STK32A: variants seen among roughly 807,000 people sequenced by gnomAD.
The protein encoded by STK32A is serine/threonine kinase 32A.
STK32A carries 41 observed loss-of-function variants against 53.2 expected under a neutral mutation model. The ratio of observed to expected loss-of-function variants is 0.77; its 90% CI spans 0.60 to 1.00. The LOEUF (loss-of-function observed/expected upper bound fraction) is 1.00, where lower values mean the gene tolerates loss of function less well. Among genes scored for constraint, STK32A ranks in the 50% least tolerant of loss-of-function variants. The pLI, the probability that STK32A is intolerant of heterozygous loss-of-function variation, is 0.00. For missense variants in STK32A, 458 were observed against 485.8 expected (o/e 0.94, Z 0.54); for synonymous variants, 166 against 162.8 (o/e 1.02, Z -0.15).
chr5:147,314,455 G>T (rs1258143528), intron 4 of STK32A, among the ~76,000 whole-genome samples: 2 of 141,928 alleles, frequency 1.4e-5, no homozygotes, highest in East Asian at 4.0e-4. Flanking sequence ...TGGAGATTGT[G>T]CCATTGCACT....
intron 4 of STK32A, among the ~76,000 whole-genome samples, chr5:147,280,401 T>G (rs1233725667): frequency 2.5e-5 from 2 of 79,870 alleles, no homozygotes; most frequent in Non-Finnish European, 4.8e-5. Flanking sequence ...ACCTGGGAGC[T>G]GTGTTGGCGG....
intron 11 of STK32A, 77 bp from the exon 12 acceptor site, chr5:147,383,364 C>G (rs770868953): frequency 1.6e-5 from 19 of 1,199,976 alleles, no homozygotes; most frequent in Non-Finnish European, 2.3e-5. Context: ...TAGACTGTCA[C>G]CAGGTTATTG....
chr5:147,277,110 T>G (rs1217385635), intron 2 of STK32A, among the ~76,000 whole-genome samples: 1 of 152,214 alleles, frequency 6.6e-6, no homozygotes, highest in African/African-American at 2.4e-5. Context: ...GCTTATCTAA[T>G]TATTCTAGAT....
intron 2 of STK32A, among the ~76,000 whole-genome samples, chr5:147,264,428 G>T (rs757226877): frequency 6.6e-6 from 1 of 152,194 alleles, no homozygotes; most frequent in Non-Finnish European, 1.5e-5. Flanking sequence ...AACTGGAGAA[G>T]GGTTTGGGAT....
At chr5:147,254,205 A>C (rs1278831297) in intron 2 of STK32A, among the ~76,000 whole-genome samples, 1 of 152,190 alleles carries the variant, frequency 6.6e-6, no homozygotes, top group African/African-American at 2.4e-5. Context: ...TAAATTTCAC[A>C]GTCTGACATA....
chr5:147,238,854 G>A (rs561897495), intron 1 of STK32A, among the ~76,000 whole-genome samples: 32 of 151,572 alleles, frequency 2.1e-4, no homozygotes, highest in African/African-American at 6.8e-4. Context: ...TAATATATAC[G>A]TTAATATATA....
intron 2 of STK32A, among the ~76,000 whole-genome samples, chr5:147,268,417 C>G (rs1222139872): frequency 6.6e-6 from 1 of 152,014 alleles, no homozygotes; most frequent in Non-Finnish European, 1.5e-5. Context: ...TATGGCAGCA[C>G]TGCTTATATC....
chr5:147,368,347 T>C (rs1190935445), intron 8 of STK32A, among the ~76,000 whole-genome samples: 1 of 152,252 alleles, frequency 6.6e-6, no homozygotes, highest in African/African-American at 2.4e-5. Context: ...GTTTATTCTC[T>C]ATATGCTCAC....
chr5:147,306,232 A>G (rs994596218), intron 4 of STK32A, among the ~76,000 whole-genome samples: 2 of 151,846 alleles, frequency 1.3e-5, no homozygotes, highest in Non-Finnish European at 2.9e-5. Context: ...TTGCTTATTG[A>G]CCATTTATAA....
At chr5:147,341,852 T>C (rs974707913) in intron 5 of STK32A, among the ~76,000 whole-genome samples, 3 of 152,092 alleles carry the variant, frequency 2.0e-5, no homozygotes, top group Admixed American at 1.3e-4. Context: ...TGGTTTAAAA[T>C]GACTAAAAAA....
chr5:147,384,620 T>C lies in STK32A; in HGVS notation c.*637T>C. 2.2e-6 allele frequency: 1 copy of C among 452,996 alleles called. No homozygotes were observed. Among genetic ancestry groups the C allele is most frequent in the Non-Finnish European group, 3.9e-6 (1 of 258,632 alleles). 28.1% of individuals were successfully genotyped at this position (452,996 alleles called of 1,614,324 possible). On this transcript the variant is annotated 3_prime_UTR_variant, in exon 13 of 13. Coordinates refer to ENST00000397936, the MANE Select transcript of STK32A (RefSeq NM_001112724.2). ...CTGTGCACACCACTTCCCAGCTCCC[T>C]CTTCAACAATGTGAAAGTGGTAACT... is the stretch of plus-strand genomic sequence containing the variant.
intron 2 of STK32A, among the ~76,000 whole-genome samples, chr5:147,271,842 C>T (rs1044354459): frequency 2.0e-5 from 3 of 152,156 alleles, no homozygotes; most frequent in African/African-American, 7.2e-5. Flanking sequence ...CCCGAAACTT[C>T]ATTAGCAATT....
At position 147,361,623 on chromosome 5, in the gene STK32A, G is replaced by C; in HGVS notation, c.660+9G>C. 1 of 1,575,896 alleles carries C rather than the reference G, an allele frequency of 6.3e-7. No individual in the cohort carries two copies. ...AACTGCTGAGAGGCCGGGTACTGTAGTAGCATTTCCTCTTTGGTTATTTTT... is the reference window on the plus strand; with the variant it reads ...AACTGCTGAGAGGCCGGGTACTGTACTAGCATTTCCTCTTTGGTTATTTTT... On this transcript the variant is annotated intron_variant, in intron 8 of 12. Coordinates refer to ENST00000397936, the MANE Select transcript of STK32A (RefSeq NM_001112724.2).
At chr5:147,372,241 T>C (rs1172857554) in intron 9 of STK32A, among the ~76,000 whole-genome samples, 1 of 141,704 alleles carries the variant, frequency 7.1e-6, no homozygotes, top group Non-Finnish European at 1.5e-5. Flanking sequence ...AAAACAAGAA[T>C]GAGGGGCCCA....
At chr5:147,337,855 G>A (rs945849571) in intron 5 of STK32A, among the ~76,000 whole-genome samples, 1 of 152,196 alleles carries the variant, frequency 6.6e-6, no homozygotes, top group Non-Finnish European at 1.5e-5. Context: ...AGATATGCCA[G>A]TTTGGAAATT....
intron 5 of STK32A, among the ~76,000 whole-genome samples, chr5:147,338,553 C>A (rs976234923): frequency 4.6e-5 from 7 of 152,104 alleles, no homozygotes; most frequent in African/African-American, 1.7e-4. Flanking sequence ...GGGGTTGGAA[C>A]AGTTTGGAGG....
rs547102572 is a variant in STK32A, at chr5:147,327,702, C to T, written c.434+3631C>T. Among the ~76,000 whole-genome samples the T allele has an allele frequency of 2.0e-5, 3 of 152,320 alleles. No homozygotes were observed. In the East Asian group the frequency reaches 5.8e-4, roughly 29 times the overall value. On this transcript the variant is annotated intron_variant, in intron 5 of 12. Coordinates refer to ENST00000397936, the MANE Select transcript of STK32A (RefSeq NM_001112724.2). ...CAGGAGGTTTATGGCACTTTGTCCC[C>T]ATTTCACCTTCGATGAAACTCTGGT...
At chr5:147,291,074 T>C (rs7723870) in intron 4 of STK32A, among the ~76,000 whole-genome samples, 15,742 of 152,212 alleles carry the variant, frequency 0.1, 911 homozygotes, top group Admixed American at 0.14. Flanking sequence ...TCCTTGAGCA[T>C]GGGTTTGAGG....
chr5:147,245,310 G>A (rs1365066168), intron 2 of STK32A, among the ~76,000 whole-genome samples: 1 of 152,100 alleles, frequency 6.6e-6, no homozygotes, highest in Non-Finnish European at 1.5e-5. Flanking sequence ...ACTACCATAT[G>A]GATATTCTGA....
Sources: gnomAD v4.1 joint callset for allele counts (sites outside exome capture counted in the v4.1 genomes callset) on GRCh38, gnomAD v4.1.1 for gene constraint, MANE v1.5 for transcripts, NCBI Gene and HGNC (gene_info 2026-07-23, HGNC 2026-07-21) for gene names.